Variants in PIGU observed in about 807,000 individuals in gnomAD.
PIGU encodes phosphatidylinositol glycan anchor biosynthesis class U.
In PIGU, 24 loss-of-function variants were observed where a neutral mutation model predicts 49.9. That is an observed-to-expected ratio of 0.48 (90% CI 0.35 to 0.68). The LOEUF is 0.68. Among genes scored for constraint, PIGU ranks in the 30% least tolerant of loss-of-function variants. PIGU has a pLI of 0.01. For missense variants in PIGU, 490 were observed against 532.6 expected (o/e 0.92, Z 0.79); for synonymous variants, 220 against 205.7 (o/e 1.07, Z -0.59).
intron 7 of PIGU, among the ~76,000 whole-genome samples, chr20:34,611,648 G>GAAAAAAAAAAAAA (rs146531122): frequency 1.5e-5 from 1 of 65,008 alleles, no homozygotes; most frequent in Non-Finnish European, 3.0e-5. Flanking sequence ...TCAAGTCTCA[G>GAAAAAAAAAAAAA]AAAAAAAAAA....
At chr20:34,650,254 T>G (rs1986487631) in intron 2 of PIGU, among the ~76,000 whole-genome samples, 1 of 151,878 alleles carries the variant, frequency 6.6e-6, no homozygotes, top group African/African-American at 2.4e-5. Context: ...AACATATTAA[T>G]CATTGATCAT....
At chr20:34,603,895 C>CACACG in intron 7 of PIGU, among the ~76,000 whole-genome samples, 1 of 152,010 alleles carries the variant, frequency 6.6e-6, no homozygotes, top group Admixed American at 6.6e-5. Flanking sequence ...CACACCACAC[C>CACACG]CCTACAGGGG....
At chr20:34,594,787 G>A (rs1053492804) in intron 7 of PIGU, among the ~76,000 whole-genome samples, 3 of 151,502 alleles carry the variant, frequency 2.0e-5, no homozygotes, top group African/African-American at 7.3e-5. Context: ...AATAAATAAA[G>A]GCATACAAGA....
intron 11 of PIGU, among the ~76,000 whole-genome samples, chr20:34,574,565 C>T (rs891016981): frequency 6.6e-6 from 1 of 152,164 alleles, no homozygotes; most frequent in African/African-American, 2.4e-5. Context: ...CCCAGCCACA[C>T]AATTTATGCT....
At chr20:34,629,937 G>A (rs746530998) in intron 6 of PIGU, among the ~76,000 whole-genome samples, 1 of 152,100 alleles carries the variant, frequency 6.6e-6, no homozygotes, top group Admixed American at 6.6e-5. Flanking sequence ...ATACAAAGCA[G>A]GTGAGAGAAG....
At chr20:34,635,947 C>T (rs1011012525) in intron 5 of PIGU, among the ~76,000 whole-genome samples, 1 of 151,828 alleles carries the variant, frequency 6.6e-6, no homozygotes, top group African/African-American at 2.4e-5. Flanking sequence ...AATCCCAGCA[C>T]TTTGGGAGGC....
chr20:34,584,655 G>C (rs997862630), intron 9 of PIGU, among the ~76,000 whole-genome samples: 1 of 151,688 alleles, frequency 6.6e-6, no homozygotes, highest in Non-Finnish European at 1.5e-5. Context: ...GACTACAGGG[G>C]CACACCACCA....
At chr20:34,610,833 G>C (rs1442657240) in intron 7 of PIGU, among the ~76,000 whole-genome samples, 5 of 152,136 alleles carry the variant, frequency 3.3e-5, no homozygotes, top group African/African-American at 1.2e-4. Context: ...ACCCAAAACA[G>C]CATGCTACTG....
At chr20:34,562,175 G>A (rs1271991655) in intron 11 of PIGU, among the ~76,000 whole-genome samples, 1 of 152,188 alleles carries the variant, frequency 6.6e-6, no homozygotes, top group Non-Finnish European at 1.5e-5. Context: ...ATCCCAGTCA[G>A]CCCAAGCTTC....
At chr20:34,645,096 A>G (rs993661594) in intron 3 of PIGU, among the ~76,000 whole-genome samples, 179 bp downstream of exon 3, 2 of 151,526 alleles carry the variant, frequency 1.3e-5, no homozygotes, top group African/African-American at 4.9e-5. Flanking sequence ...TCATGTGTCC[A>G]TAGTCCCAGC....
intron 6 of PIGU, among the ~76,000 whole-genome samples, chr20:34,633,708 C>T (rs1007446921): frequency 6.6e-6 from 1 of 151,972 alleles, no homozygotes; most frequent in Admixed American, 6.6e-5. Context: ...GCTGGGATTA[C>T]AGGTGCACAC....
chr20:34,668,016 T>TC (rs1440791587), intron 1 of PIGU, among the ~76,000 whole-genome samples: 1 of 151,970 alleles, frequency 6.6e-6, no homozygotes, highest in Non-Finnish European at 1.5e-5. Context: ...ATCCATTACC[T>TC]CCGTCAAACC....
chr20:34,653,684 A>G (rs1488886950), intron 2 of PIGU, among the ~76,000 whole-genome samples: 1 of 152,196 alleles, frequency 6.6e-6, no homozygotes, highest in Non-Finnish European at 1.5e-5. Flanking sequence ...ATTGTAATGC[A>G]TATGCTGATA....
intron 6 of PIGU, among the ~76,000 whole-genome samples, chr20:34,630,188 A>G (rs968465773): frequency 4.6e-5 from 7 of 152,134 alleles, no homozygotes; most frequent in African/African-American, 1.7e-4. Context: ...CCATTCCCGC[A>G]TAACCCATCC....
chr20:34,571,883 G>C (rs897434993), intron 11 of PIGU, among the ~76,000 whole-genome samples: 2 of 152,164 alleles, frequency 1.3e-5, no homozygotes. Context: ...GACATGCCTC[G>C]AGTGACTGCC....
chr20:34,602,317 C>T (rs1482644370), intron 7 of PIGU, among the ~76,000 whole-genome samples: 4 of 151,436 alleles, frequency 2.6e-5, no homozygotes, highest in African/African-American at 9.7e-5. Context: ...ATATGTATGG[C>T]TGGGTGCGGT....
intron 7 of PIGU, among the ~76,000 whole-genome samples, chr20:34,590,174 A>C (rs1292981798): frequency 6.6e-6 from 1 of 152,170 alleles, no homozygotes; most frequent in Non-Finnish European, 1.5e-5. Context: ...ACCAGAAAAC[A>C]AAAAAACCAC....
chr20:34,644,261 C>T (rs368859782), intron 3 of PIGU, 35 bp from the exon 4 acceptor site: 4 of 1,539,312 alleles, frequency 2.6e-6, no homozygotes, highest in Non-Finnish European at 3.6e-6. Flanking sequence ...GGAAATGGAA[C>T]ACAGTAAGTG....
intron 6 of PIGU, among the ~76,000 whole-genome samples, chr20:34,619,738 C>G (rs1985137749): frequency 6.6e-6 from 1 of 152,224 alleles, no homozygotes; most frequent in Admixed American, 6.5e-5. Flanking sequence ...AAAAGAGGCT[C>G]ACAGCCTAGC....
Sources: allele counts gnomAD v4.1 joint callset (sites outside exome capture counted in the v4.1 genomes callset), GRCh38; gene constraint gnomAD v4.1.1; transcripts MANE v1.5; gene names NCBI Gene and HGNC (gene_info 2026-07-23, HGNC 2026-07-21).